CAMK2D: variants seen among roughly 807,000 people sequenced by gnomAD.
CAMK2D encodes calcium/calmodulin dependent protein kinase II delta, also known as calcium/calmodulin-dependent protein kinase type II subunit delta.
A neutral mutation model predicts 84.0 loss-of-function variants in CAMK2D; 37 were observed. That is an observed-to-expected ratio of 0.44 (90% confidence interval 0.34 to 0.58). The LOEUF is 0.58. Ranked by LOEUF, CAMK2D falls within the 20% of genes least tolerant of loss-of-function variation. CAMK2D has a pLI of 0.02. For synonymous variants in CAMK2D, 202 were observed against 212.5 expected (o/e 0.95, Z 0.43); for missense variants, 448 against 652.5 (o/e 0.69, Z 3.41).
chr4:113,505,135 T>TA (rs1359184663), intron 13 of CAMK2D, 100 bp from the exon 14 acceptor site: 1 of 554,406 alleles, frequency 1.8e-6, no homozygotes, highest in Non-Finnish European at 3.0e-6. Flanking sequence ...GACATGAAGA[T>TA]AAAGAGCCAC....
chr4:113,636,691 G>A (rs933360460), intron 3 of CAMK2D, among the ~76,000 whole-genome samples: 1 of 152,154 alleles, frequency 6.6e-6, no homozygotes, highest in African/African-American at 2.4e-5. Context: ...ATAGTGGAGA[G>A]AGAGCTCTAG....
chr4:113,516,624 A>G (rs1339376143), intron 9 of CAMK2D, among the ~76,000 whole-genome samples: 1 of 92,950 alleles, frequency 1.1e-5, no homozygotes, highest in Non-Finnish European at 2.0e-5. Flanking sequence ...ACATCCATCT[A>G]AATAGAAAAT....
At chr4:113,495,244 A>C (rs2097912781) in intron 16 of CAMK2D, among the ~76,000 whole-genome samples, 1 of 152,226 alleles carries the variant, frequency 6.6e-6, no homozygotes, top group Non-Finnish European at 1.5e-5. Context: ...TATACACTAC[A>C]CTACAGTTTC....
intron 16 of CAMK2D, among the ~76,000 whole-genome samples, chr4:113,474,657 A>AT (rs1188883464): frequency 6.6e-6 from 1 of 151,604 alleles, no homozygotes; most frequent in African/African-American, 2.4e-5. Flanking sequence ...TTATTTGTTT[A>AT]TTTTTTGAGA....
chr4:113,733,518 TA>T lies in CAMK2D; in HGVS notation c.160+25801del, dbSNP rs528295787. On this transcript the variant is annotated intron_variant, in intron 2 of 20. Coordinates refer to ENST00000511664, the MANE Select transcript of CAMK2D (RefSeq NM_001321571.2). ...TTTTCAGCCTGTGAGTTAAGTGAGTTAAATATCCTCAAACAAAGGGAAAAGT... is the reference window on the plus strand; with the variant it reads ...TTTTCAGCCTGTGAGTTAAGTGAGTTAATATCCTCAAACAAAGGGAAAAGT... 5.4e-4 allele frequency among the ~76,000 whole-genome samples: 83 copies of T among 152,304 alleles called. No individual in the cohort carries two copies. In the Middle Eastern group the frequency reaches 0.017, roughly 31 times the overall value.
intron 4 of CAMK2D, among the ~76,000 whole-genome samples, chr4:113,595,625 A>G (rs1335052670): frequency 5.3e-5 from 8 of 152,240 alleles, no homozygotes; most frequent in African/African-American, 1.9e-4. Flanking sequence ...TAAAGCAAAT[A>G]TTACAATAAA....
At chr4:113,545,634 C>T (rs1431689354) in intron 6 of CAMK2D, among the ~76,000 whole-genome samples, 1 of 152,092 alleles carries the variant, frequency 6.6e-6, no homozygotes, top group Non-Finnish European at 1.5e-5. Context: ...CTCTAATGCA[C>T]GTGTTTTGAA....
At chr4:113,603,799 A>ATT (rs1452584981) in intron 4 of CAMK2D, among the ~76,000 whole-genome samples, 3 of 131,444 alleles carry the variant, frequency 2.3e-5, no homozygotes, top group African/African-American at 8.2e-5. Flanking sequence ...ATATATATAT[A>ATT]TATTTAAAAC....
At chr4:113,726,562 G>T (rs1292788154) in intron 2 of CAMK2D, among the ~76,000 whole-genome samples, 2 of 151,026 alleles carry the variant, frequency 1.3e-5, no homozygotes, top group Non-Finnish European at 3.0e-5. Context: ...TTGTTTGTTT[G>T]TTTGTTTGTT....
intron 16 of CAMK2D, among the ~76,000 whole-genome samples, chr4:113,484,534 T>C (rs1237511585): frequency 6.6e-6 from 1 of 152,134 alleles, no homozygotes; most frequent in Non-Finnish European, 1.5e-5. Flanking sequence ...TTAAATGAGA[T>C]TTTTTAAAAA....
intron 4 of CAMK2D, among the ~76,000 whole-genome samples, chr4:113,554,467 G>A (rs778881832): frequency 6.6e-6 from 1 of 152,104 alleles, no homozygotes; most frequent in Admixed American, 6.6e-5. Flanking sequence ...AATTTGAGGG[G>A]TGTAGAGTTT....
chr4:113,732,315 G>T (rs1421211200), intron 2 of CAMK2D, among the ~76,000 whole-genome samples: 7 of 152,008 alleles, frequency 4.6e-5, no homozygotes, highest in Admixed American at 3.9e-4. Context: ...TATAGACAGG[G>T]TCTCCCTATG....
chr4:113,509,285 T>C (rs1180998170), intron 13 of CAMK2D, among the ~76,000 whole-genome samples: 2 of 152,218 alleles, frequency 1.3e-5, no homozygotes, highest in Non-Finnish European at 2.9e-5. Context: ...TGCAGCATAA[T>C]TATTTGGAAA....
chr4:113,601,248 C>T (rs1053388601), intron 4 of CAMK2D, among the ~76,000 whole-genome samples: 4 of 152,070 alleles, frequency 2.6e-5, no homozygotes, highest in Admixed American at 1.3e-4. Flanking sequence ...AGAAGTTAAT[C>T]GTGTATTTTG....
intron 13 of CAMK2D, among the ~76,000 whole-genome samples, chr4:113,506,711 T>C (rs1245261734): frequency 6.6e-6 from 1 of 152,202 alleles, no homozygotes; most frequent in African/African-American, 2.4e-5. Context: ...TAATATGCTA[T>C]ATTTAGTTTT....
intron 3 of CAMK2D, among the ~76,000 whole-genome samples, chr4:113,610,105 T>C (rs1189275834): frequency 6.6e-6 from 1 of 152,042 alleles, no homozygotes; most frequent in Admixed American, 6.6e-5. Context: ...GTCTGCCACA[T>C]AAGTAAACTC....
chr4:113,680,486 G>A lies in CAMK2D; in HGVS notation c.161-18714C>T, dbSNP rs573612169. ...GGCTCTCCTGACTGCCTTCCTTGGA[G>A]GGGCATCTGAATGGCCTATCTCTAT... On this transcript the variant is annotated intron_variant, in intron 2 of 20. Coordinates refer to ENST00000511664, the MANE Select transcript of CAMK2D (RefSeq NM_001321571.2). Among the ~76,000 whole-genome samples the A allele has an allele frequency of 4.6e-5, 7 of 152,334 alleles. No individual in the cohort carries two copies. The South Asian group carries it at 1.5e-3, about 32-fold the overall frequency.
intron 4 of CAMK2D, among the ~76,000 whole-genome samples, chr4:113,607,371 G>C (rs2154265421): frequency 1.3e-5 from 2 of 152,148 alleles, no homozygotes; most frequent in South Asian, 4.2e-4. Context: ...TTCTAAATAT[G>C]GCAGATATGC....
chr4:113,462,334 G>GTCTATCTATCTATCTATCTATCTATCTA (rs1164998007), intron 17 of CAMK2D, among the ~76,000 whole-genome samples: 2 of 129,768 alleles, frequency 1.5e-5, no homozygotes, highest in South Asian at 2.6e-4. Flanking sequence ...CTGTCTGTCT[G>GTCTATCTATCTATCTATCTATCTATCTA]TCTGTCTATC....
Sources: allele counts gnomAD v4.1 joint callset (sites outside exome capture counted in the v4.1 genomes callset), GRCh38; gene constraint gnomAD v4.1.1; transcripts MANE v1.5; gene names NCBI Gene and HGNC (gene_info 2026-07-23, HGNC 2026-07-21).